The following CLDN18 variants were observed in gnomAD, a reference collection of about 807,000 sequenced individuals.
The protein encoded by CLDN18 is claudin 18, also known as claudin-18.
A neutral mutation model predicts 25.0 loss-of-function variants in CLDN18; 20 were observed. The ratio of observed to expected loss-of-function variants is 0.80; its 90% CI spans 0.56 to 1.16. The LOEUF (loss-of-function observed/expected upper bound fraction) is 1.16, where lower values mean the gene tolerates loss of function less well. CLDN18 is among the 50% of genes most tolerant of loss of function. The pLI is 0.00. For missense variants in CLDN18, 297 were observed against 345.4 expected (o/e 0.86, Z 1.11); for synonymous variants, 125 against 135.6 (o/e 0.92, Z 0.54).
At chr3:138,006,366 G>A (rs1249822586), upstream of CLDN18, among the ~76,000 whole-genome samples, 4 of 152,140 alleles carry the variant, frequency 2.6e-5, no homozygotes, top group African/African-American at 9.7e-5. Flanking sequence ...TGGTGGAAAT[G>A]TTTTCTCCAA....
chr3:138,025,259 T>C, intron 3 of CLDN18, among the ~76,000 whole-genome samples: 1 of 152,090 alleles, frequency 6.6e-6, no homozygotes, highest in East Asian at 1.9e-4. Context: ...AGATACAAAG[T>C]CCCCACTCTC....
upstream of CLDN18, among the ~76,000 whole-genome samples, chr3:138,008,989 C>A (rs1013651477): frequency 1.3e-5 from 2 of 152,198 alleles, no homozygotes; most frequent in Non-Finnish European, 2.9e-5. Context: ...ATCCGTCAAC[C>A]AATTCTCTAG....
chr3:138,018,886 T>C lies in CLDN18; in HGVS notation c.221-4772T>C, dbSNP rs535344706. 1.4e-4 allele frequency among the ~76,000 whole-genome samples: 21 copies of C among 152,326 alleles called. No individual in the cohort carries two copies. In the South Asian group the frequency reaches 2.1e-3, roughly 15 times the overall value. ...ATTTTTCCTGATCTTCTCCACTACT[T>C]AGATGCTGCTAGATTCAGGCCTTTC... On this transcript the variant is annotated intron_variant, in intron 1 of 4. Transcript: ENST00000183605.
intron 1 of CLDN18, among the ~76,000 whole-genome samples, chr3:138,021,891 C>A (rs1576411395): frequency 6.6e-6 from 1 of 152,166 alleles, no homozygotes; most frequent in African/African-American, 2.4e-5. Context: ...AACCATCTTC[C>A]ATAAGTTAGA....
intron 1 of CLDN18, among the ~76,000 whole-genome samples, chr3:138,014,726 C>T (rs60659696): frequency 0.055 from 8,331 of 152,230 alleles, 643 homozygotes; most frequent in African/African-American, 0.17. Context: ...AATCTGTGGC[C>T]TTCAAGAAGA....
chr3:138,016,058 A>T (rs1182593800), intron 1 of CLDN18, among the ~76,000 whole-genome samples: 3 of 152,222 alleles, frequency 2.0e-5, no homozygotes, highest in Non-Finnish European at 4.4e-5. Flanking sequence ...CTCTGAGGAC[A>T]GTGCCAGAAA....
chr3:138,031,887 TA>T lies in CLDN18; in HGVS notation c.*749del, dbSNP rs1443019479. ...AAATTATTTTTTTTAATTTAAGTCC[TA>T]AATATAGTTAAAATAAATAATGTTT... On this transcript the variant is annotated 3_prime_UTR_variant, in exon 5 of 5. Transcript: ENST00000183605. 2 of 152,210 alleles carry T rather than the reference TA, an allele frequency of 1.3e-5. No homozygotes were observed. Among genetic ancestry groups the T allele is most frequent in the African/African-American group, 4.8e-5 (2 of 41,448 alleles). The allele number at this position is 152,210 out of a possible 1,614,324, so 9.4% of individuals were successfully genotyped here.
At chr3:138,030,052 G>A (rs1576413861) in intron 4 of CLDN18, 145 bp downstream of exon 4, 1 of 637,300 alleles carries the variant, frequency 1.6e-6, no homozygotes, top group East Asian at 2.8e-5. Flanking sequence ...TCTCTTTTAG[G>A]GGGAACCTAA....
chr3:138,022,876 C>T (rs1033066662), intron 1 of CLDN18, among the ~76,000 whole-genome samples: 7 of 152,208 alleles, frequency 4.6e-5, no homozygotes, highest in Non-Finnish European at 8.8e-5. Flanking sequence ...GCTCAGTAAA[C>T]AATTGTTGCT....
chr3:138,003,713 T>C (rs1336113545), intron 1 of CLDN18, among the ~76,000 whole-genome samples: 1 of 152,206 alleles, frequency 6.6e-6, no homozygotes, highest in Non-Finnish European at 1.5e-5. Context: ...AATTAATGTG[T>C]AATGATAATA....
chr3:138,027,059 A>G (rs1942335756), intron 3 of CLDN18, among the ~76,000 whole-genome samples: 1 of 152,220 alleles, frequency 6.6e-6, no homozygotes, highest in African/African-American at 2.4e-5. Flanking sequence ...TAAAGGGTAG[A>G]GCACCACTAG....
Position 138,023,925 on chromosome 3 carries a change from T to C in CLDN18, c.385+103T>C, listed in dbSNP as rs1576412001. 3 of 1,177,548 alleles carry C rather than the reference T, an allele frequency of 2.5e-6. No homozygotes were observed. In the East Asian group the frequency reaches 7.3e-5, roughly 29 times the overall value. The allele number at this position is 1,177,548 out of a possible 1,614,324, so 72.9% of individuals were successfully genotyped here. A position where few individuals can be genotyped will look rare whatever the true frequency, so the allele number is the denominator to read the frequency against. Reference sequence around the variant, plus strand: ...CCTACTGCTGAATGTGGTTCAGAACTTTTCATACTGAGATTCATGATCTGA... The same window carrying C: ...CCTACTGCTGAATGTGGTTCAGAACCTTTCATACTGAGATTCATGATCTGA... On this transcript the variant is annotated intron_variant, in intron 2 of 4. Coordinates refer to ENST00000183605, the MANE Select transcript of CLDN18 (RefSeq NM_016369.4).
chr3:138,027,488 T>C (rs193248693), intron 3 of CLDN18, among the ~76,000 whole-genome samples: 2 of 152,322 alleles, frequency 1.3e-5, no homozygotes, highest in Non-Finnish European at 2.9e-5. Context: ...GAAGGCAAAG[T>C]GACCTGAATT....
In CLDN18 at chr3:138,031,540, G is replaced by C. The variant is rs1186204306; in HGVS notation, c.*399G>C. On this transcript the variant is annotated 3_prime_UTR_variant, in exon 5 of 5. Transcript: ENST00000183605. ...CTTATCCCCAAGAAAACTTTTGAAA[G>C]GAAAGAGTAGACCCAAAGATGTTAT... The C allele has an allele frequency of 6.5e-6, 1 of 154,714 alleles. No individual in the cohort carries two copies. Among genetic ancestry groups the C allele is most frequent in the South Asian group, 2.1e-4 (1 of 4,860 alleles). The allele number at this position is 154,714 out of a possible 1,614,324, so 9.6% of individuals were successfully genotyped here.
chr3:138,000,976 TCTGCTTCACA>T (rs1434817447), intron 1 of CLDN18, among the ~76,000 whole-genome samples: 1 of 152,262 alleles, frequency 6.6e-6, no homozygotes, highest in Non-Finnish European at 1.5e-5. Flanking sequence ...AGGGCTTCAT[TCTGCTTCACA>T]AAGGGAAAAT....
chr3:138,007,278 CA>C (rs1176415901), upstream of CLDN18, among the ~76,000 whole-genome samples: 1 of 152,196 alleles, frequency 6.6e-6, no homozygotes, highest in Non-Finnish European at 1.5e-5. Context: ...TTTATAATAG[CA>C]GAGATGTGGA....
intron 1 of CLDN18, among the ~76,000 whole-genome samples, chr3:138,018,335 CTTT>C (rs1219927158): frequency 9.3e-5 from 12 of 129,708 alleles, no homozygotes; most frequent in Non-Finnish European, 1.5e-4. Flanking sequence ...CCCTCAAGGC[CTTT>C]TTTTTTTTTT....
intron 1 of CLDN18, among the ~76,000 whole-genome samples, chr3:138,002,958 CAACA>C (rs1942034025): frequency 6.6e-6 from 1 of 152,258 alleles, no homozygotes; most frequent in East Asian, 1.9e-4. Context: ...TTTATTCATT[CAACA>C]AACATTTATT....
At chr3:138,030,615 A>C (rs1423544538) in intron 4 of CLDN18, among the ~76,000 whole-genome samples, 2 of 152,180 alleles carry the variant, frequency 1.3e-5, no homozygotes, top group African/African-American at 4.8e-5. Flanking sequence ...TTTCTGGTTC[A>C]GCTGTATTTT....
Sources: allele counts gnomAD v4.1 joint callset (sites outside exome capture counted in the v4.1 genomes callset), GRCh38; gene constraint gnomAD v4.1.1; transcripts MANE v1.5; gene names NCBI Gene and HGNC (gene_info 2026-07-23, HGNC 2026-07-21).